FLG: variants seen among roughly 807,000 people sequenced by gnomAD.
FLG encodes epidermal filaggrin.
Under a neutral mutation model 3.8 loss-of-function variants are expected in FLG, and 6 were observed. The observed-to-expected ratio is 1.60, with a 90% CI of 0.87 to 3.15. The LOEUF is 3.15. Among genes scored for constraint, FLG ranks in the 30% most tolerant of loss-of-function variants. FLG has a pLI of 0.00. For synonymous variants in FLG, 2,551 were observed against 1,931.6 expected (o/e 1.32, Z -8.41); for missense variants, 7,595 against 5,050.9 (o/e 1.50, Z -15.27).
In FLG at chr1:152,308,557, C is replaced by T. The variant is rs373662277; in HGVS notation, c.6329G>A (p.Ser2110Asn). The T allele has an allele frequency of 6.9e-5, 112 of 1,613,944 alleles. No homozygotes were observed. Among genetic ancestry groups the T allele is most frequent in the Middle Eastern group, 1.6e-4 (1 of 6,084 alleles). Residue 2110 changes from serine to asparagine, a missense_variant, in exon 3 of 3, where the codon AGC (serine) becomes AAC (asparagine). Transcript: ENST00000368799. ...ATGGGATCCTTGTCTTCCTCCAGTG[C>T]TGGGCGCAGACTGTCCATGGGTGGA... is the stretch of plus-strand genomic sequence containing the variant. ...SESTHGQSAP[S>N]TGGRQGSHYD...
At chr1:152,316,806 T>C (rs1488432946) in intron 1 of FLG, among the ~76,000 whole-genome samples, 1 of 152,144 alleles carries the variant, frequency 6.6e-6, no homozygotes, top group East Asian at 1.9e-4. Context: ...CTTCCCTTTT[T>C]ACCTTGGTTA....
chr1:152,316,663 T>G (rs1446664324), intron 1 of FLG, among the ~76,000 whole-genome samples: 1 of 152,180 alleles, frequency 6.6e-6, no homozygotes, highest in Non-Finnish European at 1.5e-5. Flanking sequence ...TATGATGATA[T>G]TGTATTCTCT....
Position 152,314,701 on chromosome 1 carries a change from T to G in FLG, c.185A>C (p.Asp62Ala). The G allele has an allele frequency of 6.2e-7, 1 of 1,613,988 alleles. No individual in the cohort carries two copies. The highest frequency in any genetic ancestry group is 1.1e-5 in the South Asian group (1 of 91,082). Residue 62 changes from aspartate to alanine, a missense_variant, in exon 3 of 3, where the codon GAT (aspartate) becomes GCT (alanine). Transcript: ENST00000368799. ...GTCAATTTTCTTGTTGTGGTCTATATCCAAGTGATCCATGAAGACATCAAC... is the reference window on the plus strand; with the variant it reads ...GTCAATTTTCTTGTTGTGGTCTATAGCCAAGTGATCCATGAAGACATCAAC... ...DMVDVFMDHL[D>A]IDHNKKIDFT...
rs1651693749 is a variant in FLG, at chr1:152,302,888, T to G, written c.11998A>C (p.Ser4000Arg). Residue 4000 changes from serine to arginine, a missense_variant, in exon 3 of 3, where the codon AGT becomes CGT. By Grantham distance (110) the Ser-to-Arg change is moderately radical. Coordinates refer to ENST00000368799, the MANE Select transcript of FLG (RefSeq NM_002016.2). ...GFRHSQHGSV[S>R]YNSNPVVFKE... ...AAAACAACAGGATTGGAATTGTAAC[T>G]AACACTTCCGTGCTGAGAGTGTCTA... 2 of 1,614,196 alleles carry G rather than the reference T, an allele frequency of 1.2e-6. No homozygotes were observed. The highest frequency in any genetic ancestry group is 2.2e-5 in the South Asian group (2 of 91,082).
Position 152,308,020 on chromosome 1 carries a change from C to T in FLG, c.6866G>A (p.Arg2289Lys). 3 of 1,614,194 alleles carry T rather than the reference C, an allele frequency of 1.9e-6. No homozygotes were observed. The highest frequency in any genetic ancestry group is 4.5e-5 in the East Asian group (2 of 44,880). Residue 2289 changes from arginine to lysine, a missense_variant, in exon 3 of 3, where the codon AGA (arginine) becomes AAA (lysine). Coordinates refer to ENST00000368799, the MANE Select transcript of FLG (RefSeq NM_002016.2). ...CTCTGCAGAGTGCCCATGACCGGCT[C>T]TGTCTTCGTGATGGGACCTGGGGTG... Reference protein sequence around the residue: ...SRHPRSHHEDRAGHGHSAESS... With the variant: ...SRHPRSHHEDKAGHGHSAESS...
Position 152,311,122 on chromosome 1 carries a change from T to C in FLG, c.3764A>G (p.Glu1255Gly), listed in dbSNP as rs781712785. ...GCTTGTCCTGGACCCCGATGATTGT[T>C]CCTGTCCCACCTGTGAGTGTCTAGA... Reference protein sequence around the residue: ...DSSRHSQVGQEQSSGSRTSRH... With the variant: ...DSSRHSQVGQGQSSGSRTSRH... Residue 1255 changes from glutamate (E) to glycine (G), a missense_variant, in exon 3 of 3, where the codon GAA (glutamate) becomes GGA (glycine). Glu to Gly is a moderately conservative substitution (Grantham distance 98). Transcript: ENST00000368799. The C allele has an allele frequency of 5.0e-6, 8 of 1,613,528 alleles. No individual in the cohort carries two copies. The highest frequency in any genetic ancestry group is 2.7e-5 in the African/African-American group (2 of 74,748).
rs146104019 is a variant in FLG at position 152,311,974 on chromosome 1, C to G, written c.2912G>C (p.Arg971Pro). ...RWSGSASRNHRGSAQEQSRHG... is the reference protein window; with the variant it reads ...RWSGSASRNHPGSAQEQSRHG... ...TCTTGACTGCTCCTGAGCAGATCCA[C>G]GATGGTTTCTGGAAGCAGACCCAGA... is the stretch of plus-strand genomic sequence containing the variant. The change falls in exon 3 of 3, where the codon CGT (arginine) becomes CCT (proline). Residue 971 changes from arginine to proline, a missense_variant. Coordinates refer to ENST00000368799, the MANE Select transcript of FLG (RefSeq NM_002016.2). 8 of 1,613,854 alleles carry G rather than the reference C, an allele frequency of 5.0e-6. No individual in the cohort carries two copies. The highest frequency in any genetic ancestry group is 1.7e-5 in the Admixed American group (1 of 60,010).
rs1285949984 is a variant in FLG at position 152,309,123 on chromosome 1, G to T, written c.5763C>A (p.Asp1921Glu). The change falls in exon 3 of 3, where the codon GAC (aspartate) becomes GAA (glutamate). Residue 1921 changes from aspartate to glutamate, a missense_variant. Transcript: ENST00000368799. ...SRNQGSSVSQDSDSQGHSEDS... is the reference protein window; with the variant it reads ...SRNQGSSVSQESDSQGHSEDS... ...CTTCTGAGTGTCCCTGACTGTCACT[G>T]TCCTGGCTAACACTGGATCCCTGGT... 2 of 1,613,794 alleles carry T rather than the reference G, an allele frequency of 1.2e-6. No individual in the cohort carries two copies. Among genetic ancestry groups the T allele is most frequent in the East Asian group, 2.2e-5 (1 of 44,856 alleles).
rs146540190 is a variant in FLG at position 152,307,604 on chromosome 1, G to C, written c.7282C>G (p.His2428Asp). The C allele has an allele frequency of 6.8e-6, 11 of 1,613,806 alleles. No homozygotes were observed. In the African/African-American group the frequency reaches 1.5e-4, roughly 22 times the overall value. Residue 2428 changes from histidine (H) to aspartate (D), a missense_variant, in exon 3 of 3, where the codon CAT becomes GAT. His to Asp is a moderately conservative substitution (Grantham distance 81). Coordinates refer to ENST00000368799, the MANE Select transcript of FLG (RefSeq NM_002016.2). ...VSTHEQSESA[H>D]GRTGTSTGGR... ...CCAGTGCTGGTCCCGGTCCGTCCAT[G>C]GGCGGACTCAGACTGTTCATGAGTG...
Position 152,313,809 on chromosome 1 carries a change from A to G in FLG, c.1077T>C (p.Arg359=). The G allele has an allele frequency of 6.2e-7, 1 of 1,613,946 alleles. No homozygotes were observed. Among genetic ancestry groups the G allele is most frequent in the Non-Finnish European group, 8.5e-7 (1 of 1,179,976 alleles). ...SADSSRQSGT[R]HAETSSRGQT... is the part of the protein sequence containing the mutation. Reference sequence around the variant, plus strand: ...GTCCACGAGAGGAAGTCTCTGCGTGACGAGTGCCTGATTGTCTGGAGCTGT... The same window carrying G: ...GTCCACGAGAGGAAGTCTCTGCGTGGCGAGTGCCTGATTGTCTGGAGCTGT... Residue 359 remains arginine (R), a synonymous_variant, in exon 3 of 3, where the codon CGT becomes CGC. Coordinates refer to ENST00000368799, the MANE Select transcript of FLG (RefSeq NM_002016.2).
chr1:152,314,798 A>G, intron 2 of FLG, 51 bp from the exon 3 acceptor site: 1 of 1,608,696 alleles, frequency 6.2e-7, no homozygotes, highest in Non-Finnish European at 8.5e-7. Context: ...GAATCACATT[A>G]TCAGCCAATT....
At position 152,308,675 on chromosome 1, in the gene FLG, T is replaced by A. The variant is rs774954937; in HGVS notation, c.6211A>T (p.Ser2071Cys). ...AQGKAGPHQQ[S>C]HKESARGQSG... ...TGGCCACGTGCGGACTCTTTGTGGC[T>A]CTGCTGATGGGGCCCAGCTTTTCCC... Residue 2071 changes from serine to cysteine, a missense_variant, in exon 3 of 3, where the codon AGC becomes TGC. Coordinates refer to ENST00000368799, the MANE Select transcript of FLG (RefSeq NM_002016.2). 1.9e-6 allele frequency: 3 copies of A among 1,614,190 alleles called. No individual in the cohort carries two copies. Among genetic ancestry groups the A allele is most frequent in the Non-Finnish European group, 2.5e-6 (3 of 1,180,030 alleles).
At chr1:152,319,798 C>T (rs1373238030) in intron 1 of FLG, among the ~76,000 whole-genome samples, 1 of 151,286 alleles carries the variant, frequency 6.6e-6, no homozygotes, top group East Asian at 1.9e-4. Context: ...CACCAGAGAC[C>T]TACTGTAAAG....
chr1:152,308,525 G>T lies in FLG; in HGVS notation c.6361C>A (p.Gln2121Lys). ...TGGRQGSHYD[Q>K]AQDSSRHSAS... ...GAGTGCCTGGAGCTGTCTTGTGCCT[G>T]ATCATAATGGGATCCTTGTCTTCCT... The change falls in exon 3 of 3, where the codon CAG (glutamine) becomes AAG (lysine). Residue 2121 changes from glutamine to lysine, a missense_variant. Coordinates refer to ENST00000368799, the MANE Select transcript of FLG (RefSeq NM_002016.2). 4 of 1,613,740 alleles carry T rather than the reference G, an allele frequency of 2.5e-6. No individual in the cohort carries two copies. Among genetic ancestry groups the T allele is most frequent in the South Asian group, 2.2e-5 (2 of 91,044 alleles).
Position 152,308,471 on chromosome 1 carries a change from G to A in FLG, c.6415C>T (p.Arg2139Cys), listed in dbSNP as rs758203305. 10 of 1,613,574 alleles carry A rather than the reference G, an allele frequency of 6.2e-6. No individual in the cohort carries two copies. The South Asian group carries it at 6.6e-5, about 11-fold the overall frequency. ...SASQEGQDTI[R>C]GHPGPSRGGR... ...CCTCTGCTTGGCCCCGGGTGTCCAC[G>A]AATGGTGTCCTGACCCTCTTGGGAT... Residue 2139 changes from arginine to cysteine, a missense_variant, in exon 3 of 3, where the codon CGT (arginine) becomes TGT (cysteine). Coordinates refer to ENST00000368799, the MANE Select transcript of FLG (RefSeq NM_002016.2).
In FLG at chr1:152,308,644, C is replaced by CTG. The variant is rs758330162; in HGVS notation, c.6241_6242insCA (p.Gly2081AlafsTer15). On this transcript the variant is annotated frameshift_variant, in exon 3 of 3. Coordinates refer to ENST00000368799, the MANE Select transcript of FLG (RefSeq NM_002016.2). LOFTEE classifies it low-confidence loss of function (END_TRUNC). ...AGACCCTGAACGTCCAGAGCTTTCC[C>CTG]CTGACTGGCCACGTGCGGACTCTTT... is the stretch of plus-strand genomic sequence containing the variant. 1.2e-6 allele frequency: 2 copies of CTG among 1,614,138 alleles called. No individual in the cohort carries two copies. The highest frequency in any genetic ancestry group is 1.7e-6 in the Non-Finnish European group (2 of 1,180,008).
At position 152,315,433 on chromosome 1, in the gene FLG, G is replaced by A. The variant is rs543143803; in HGVS notation, c.24C>T (p.Ile8=). Residue 8 remains isoleucine (I), a synonymous_variant, in exon 2 of 3, where the codon ATC becomes ATT. Transcript: ENST00000368799. ...GCTTGAAAAGATTAATTATGGCAAA[G>A]ATGTTTTCCAGGAGAGTAGACATCT... MSTLLEN[I]FAIINLFKQY... The A allele has an allele frequency of 1.7e-5, 27 of 1,611,986 alleles. 1 individual carries two copies. In the South Asian group the frequency reaches 2.9e-4, roughly 17 times the overall value.
rs1439070522 is a variant in FLG, at chr1:152,308,052, G to A, written c.6834C>T (p.Gly2278=). 2 of 1,613,980 alleles carry A rather than the reference G, an allele frequency of 1.2e-6. No homozygotes were observed. The highest frequency in any genetic ancestry group is 1.7e-6 in the Non-Finnish European group (2 of 1,180,020). The change falls in exon 3 of 3, where the codon GGC becomes GGT. Residue 2278 remains glycine (G), a synonymous_variant. Transcript: ENST00000368799. ...HGSAQEQSRD[G]SRHPRSHHED... is the part of the protein sequence containing the mutation. Reference sequence around the variant, plus strand: ...CGTGATGGGACCTGGGGTGTCTGGAGCCATCTCTTGACTGCTCCTGAGCAG... The same window carrying A: ...CGTGATGGGACCTGGGGTGTCTGGAACCATCTCTTGACTGCTCCTGAGCAG...
chr1:152,308,155 CTAACACTGGATCCCCGGG>C lies in FLG; in HGVS notation c.6713_6730del (p.Pro2238_Ser2244delinsArg), dbSNP rs1652110932. 1 of 1,613,948 alleles carries C rather than the reference CTAACACTGGATCCCCGGG, an allele frequency of 6.2e-7. No individual in the cohort carries two copies. The highest frequency in any genetic ancestry group is 1.3e-5 in the African/African-American group (1 of 74,868). On this transcript the variant is annotated inframe_deletion, in exon 3 of 3. Transcript: ENST00000368799. ...GTGTCCCTCACTGTCACTGTCCTGG[CTAACACTGGATCCCCGGG>C]GCCTGCTTGTCCTGGGCCCTGATGA...
Sources: allele counts gnomAD v4.1 joint callset (sites outside exome capture counted in the v4.1 genomes callset), GRCh38; gene constraint gnomAD v4.1.1; transcripts MANE v1.5; gene names NCBI Gene and HGNC (gene_info 2026-07-23, HGNC 2026-07-21).